STK32B: variants seen among roughly 807,000 people sequenced by gnomAD.
The protein encoded by STK32B is serine/threonine kinase 32B, also known as serine/threonine-protein kinase 32B.
Under a neutral mutation model 52.6 loss-of-function variants are expected in STK32B, and 43 were observed. The observed-to-expected ratio is 0.82, with a 90% CI of 0.64 to 1.05. The LOEUF (loss-of-function observed/expected upper bound fraction) is 1.05, where lower values mean the gene tolerates loss of function less well. Ranked by LOEUF, STK32B falls within the 50% of genes least tolerant of loss-of-function variation. The pLI is 0.00. For missense variants in STK32B, 621 were observed against 534.6 expected (o/e 1.16, Z -1.59); for synonymous variants, 238 against 204.3 (o/e 1.17, Z -1.41).
At chr4:5,204,404 GTTTGTTTGTTTTTGTTTTTTAGGTTTTT>G (rs1452376945) in intron 3 of STK32B, among the ~76,000 whole-genome samples, 4 of 133,400 alleles carry the variant, frequency 3.0e-5, no homozygotes, top group Non-Finnish European at 5.0e-5. Context: ...GGGGTTTTTT[GTTTGTTTGTTTTTGTTTTTTAGGTTTTT>G]TTTGTTTGTT....
intron 3 of STK32B, among the ~76,000 whole-genome samples, chr4:5,323,826 A>T (rs1731688003): frequency 6.6e-6 from 1 of 152,156 alleles, no homozygotes. Context: ...GGGAAAAGAG[A>T]CCAGAAGAGC....
At chr4:5,144,663 T>A (rs1419423189) in intron 2 of STK32B, among the ~76,000 whole-genome samples, 1 of 152,232 alleles carries the variant, frequency 6.6e-6, no homozygotes, top group Non-Finnish European at 1.5e-5. Flanking sequence ...AGCTCTGGGC[T>A]TAGCACTGAC....
intron 3 of STK32B, among the ~76,000 whole-genome samples, chr4:5,278,346 G>T (rs1435755862): frequency 6.6e-6 from 1 of 152,200 alleles, no homozygotes; most frequent in Non-Finnish European, 1.5e-5. Context: ...GCAGATCAAG[G>T]AGCTGAGCTG....
chr4:5,170,762 G>A (rs1243837363), intron 3 of STK32B, among the ~76,000 whole-genome samples: 1 of 152,042 alleles, frequency 6.6e-6, no homozygotes, highest in African/African-American at 2.4e-5. Context: ...TAGTGCCGCA[G>A]TAAACATACG....
intron 11 of STK32B, 79 bp from the exon 12 acceptor site, chr4:5,498,866 T>C: frequency 6.7e-7 from 1 of 1,495,582 alleles, no homozygotes; most frequent in Non-Finnish European, 9.0e-7. Context: ...ACAGTTGCCC[T>C]GCCTGCCCAG....
At chr4:5,144,627 A>G (rs1397882634) in intron 2 of STK32B, among the ~76,000 whole-genome samples, 1 of 152,186 alleles carries the variant, frequency 6.6e-6, no homozygotes, top group Non-Finnish European at 1.5e-5. Flanking sequence ...ATCTTGCATG[A>G]CACTCATTCT....
chr4:5,237,239 A>G (rs963092401), intron 3 of STK32B, among the ~76,000 whole-genome samples: 2 of 152,202 alleles, frequency 1.3e-5, no homozygotes, highest in South Asian at 2.1e-4. Context: ...GGGAGGCACC[A>G]TCTGATTGGC....
At chr4:5,032,172 A>G in the STK32B span, among the ~76,000 whole-genome samples, 1 of 147,074 alleles carries the variant, frequency 6.8e-6, no homozygotes, top group African/African-American at 2.5e-5. Context: ...GCTCCTAGAA[A>G]GAAAAAAAAA....
intron 4 of STK32B, among the ~76,000 whole-genome samples, chr4:5,374,881 C>T (rs1735483171): frequency 6.6e-6 from 1 of 152,184 alleles, no homozygotes; most frequent in Admixed American, 6.5e-5. Flanking sequence ...CACTGCCTGC[C>T]AAGGGTGCCT....
intron 11 of STK32B, among the ~76,000 whole-genome samples, chr4:5,486,066 C>A (rs925000876): frequency 6.6e-6 from 1 of 152,128 alleles, no homozygotes; most frequent in African/African-American, 2.4e-5. Context: ...TCTGTCCGTT[C>A]TCAGATCTCC....
intron 3 of STK32B, among the ~76,000 whole-genome samples, chr4:5,218,692 C>T (rs113757921): frequency 7.9e-5 from 12 of 151,332 alleles, no homozygotes; most frequent in African/African-American, 2.7e-4. Context: ...TGCTAGTCAG[C>T]CTTTCTCTGG....
At chr4:5,082,988 A>T (rs889832122) in intron 1 of STK32B, among the ~76,000 whole-genome samples, 5 of 152,238 alleles carry the variant, frequency 3.3e-5, no homozygotes, top group Admixed American at 2.0e-4. Context: ...ATTTCAAAAT[A>T]TTACAATAAA....
the STK32B span, among the ~76,000 whole-genome samples, chr4:5,033,430 C>T: frequency 1.1e-4 from 16 of 152,288 alleles, no homozygotes; most frequent in East Asian, 9.6e-4. Context: ...CAGGAAGCCC[C>T]GTAGCCAACA....
At chr4:5,401,225 T>G (rs574728009) in intron 5 of STK32B, among the ~76,000 whole-genome samples, 1 of 152,212 alleles carries the variant, frequency 6.6e-6, no homozygotes, top group Non-Finnish European at 1.5e-5. Context: ...TATGTGTTCC[T>G]AAATGAGTCC....
chr4:5,061,628 C>T (rs1322133567), intron 1 of STK32B, among the ~76,000 whole-genome samples: 4 of 152,178 alleles, frequency 2.6e-5, no homozygotes, highest in African/African-American at 9.7e-5. Context: ...TTGCAGGCAT[C>T]TGTGCTATAG....
At chr4:5,481,218 A>G (rs931953483) in intron 11 of STK32B, among the ~76,000 whole-genome samples, 12 of 152,142 alleles carry the variant, frequency 7.9e-5, no homozygotes, top group South Asian at 2.1e-4. Flanking sequence ...AAGTGTTCCT[A>G]TTTCTCCACA....
intron 4 of STK32B, among the ~76,000 whole-genome samples, chr4:5,373,370 G>A (rs1409479236): frequency 6.6e-6 from 1 of 152,198 alleles, no homozygotes; most frequent in Non-Finnish European, 1.5e-5. Context: ...AAAGCTGGCA[G>A]ATTCAAGACC....
intron 3 of STK32B, among the ~76,000 whole-genome samples, chr4:5,303,460 T>C (rs1729712800): frequency 6.7e-6 from 1 of 150,272 alleles, no homozygotes; most frequent in African/African-American, 2.5e-5. Context: ...TTCACATGTT[T>C]GTTGGTCATT....
In STK32B at chr4:5,316,276, AT is replaced by A. The variant is rs1369512622; in HGVS notation, c.261-14943del. Among the ~76,000 whole-genome samples, 6 of 58,980 alleles carry A rather than the reference AT, an allele frequency of 1.0e-4. 1 individual carries two copies. Among genetic ancestry groups the A allele is most frequent in the African/African-American group, 5.7e-4 (5 of 8,764 alleles). The allele number at this position is 58,980 out of a possible 152,430, so 38.7% of individuals were successfully genotyped here. A position where few individuals can be genotyped will look rare whatever the true frequency, so the allele number is the denominator to read the frequency against. On this transcript the variant is annotated intron_variant, in intron 3 of 11. Coordinates refer to ENST00000282908, the MANE Select transcript of STK32B (RefSeq NM_018401.3). ...TATAATATATTATATAGTATATATA[AT>A]ATATTATATACAATATTATATATAA...
Sources: gnomAD v4.1 joint callset for allele counts (sites outside exome capture counted in the v4.1 genomes callset) on GRCh38, gnomAD v4.1.1 for gene constraint, MANE v1.5 for transcripts, NCBI Gene and HGNC (gene_info 2026-07-23, HGNC 2026-07-21) for gene names.